The following RPL6 variants were observed in gnomAD, a reference collection of about 807,000 sequenced individuals.
RPL6 encodes large ribosomal subunit protein eL6.
A neutral mutation model predicts 32.1 loss-of-function variants in RPL6; 1 was observed. The observed-to-expected ratio is 0.03, with a 90% CI of 0.01 to 0.15. The LOEUF (loss-of-function observed/expected upper bound fraction) is 0.15. RPL6 is among the 10% of genes least tolerant of loss of function. The pLI, the probability that RPL6 is intolerant of heterozygous loss-of-function variation, is 1.00. For missense variants in RPL6, 275 were observed against 354.6 expected (o/e 0.78, Z 1.80); for synonymous variants, 126 against 131.6 (o/e 0.96, Z 0.29).
At position 112,405,355 on chromosome 12, in the gene RPL6, G is replaced by A. The variant is rs1335675016; in HGVS notation, c.736C>T (p.Arg246Cys). Residue 246 changes from arginine to cysteine, a missense_variant, in exon 7 of 7, where the codon CGC becomes TGC. By Grantham distance (180) the Arg-to-Cys change is radical. Coordinates refer to ENST00000202773, the MANE Select transcript of RPL6 (RefSeq NM_000970.6). Reference sequence around the variant, plus strand: ...TCCACAGCTTTCTGATCAATCTTGCGCTGCTCCGTAATCTCATATTTCTAA... The same window carrying A: ...TCCACAGCTTTCTGATCAATCTTGCACTGCTCCGTAATCTCATATTTCTAA... ...EKEKYEITEQ[R>C]KIDQKAVDSQ... The A allele has an allele frequency of 3.1e-6, 5 of 1,605,722 alleles. No homozygotes were observed. Among genetic ancestry groups the A allele is most frequent in the African/African-American group, 1.3e-5 (1 of 74,228 alleles).
At chr12:112,410,008 GA>G (rs367708899), upstream of RPL6, among the ~76,000 whole-genome samples, 14,938 of 74,626 alleles carry the variant, frequency 0.2, 805 homozygotes, top group East Asian at 0.36. Context: ...TCTCAAAAAA[GA>G]AAAAAAAAAA....
In RPL6 at chr12:112,405,920, T is replaced by C. The variant is rs777722248; in HGVS notation, c.647A>G (p.Tyr216Cys). Reference protein sequence around the residue: ...VKIPKHLTDAYFKKKKLRKPR... With the variant: ...VKIPKHLTDACFKKKKLRKPR... ...CTTCCGCAGCTTCTTCTTCTTGAAG[T>C]AAGCATCAGTAAGATGTTTTGGGAT... The change falls in exon 6 of 7, where the codon TAC becomes TGC. Residue 216 changes from tyrosine (Y) to cysteine (C), a missense_variant. Physicochemically the swap from Tyr to Cys is radical, Grantham distance 194 (BLOSUM62 -2). Transcript: ENST00000202773. 1.2e-5 allele frequency: 19 copies of C among 1,613,928 alleles called. No individual in the cohort carries two copies. The highest frequency in any genetic ancestry group is 2.7e-5 in the African/African-American group (2 of 74,928).
chr12:112,407,502 T>A (rs1359024773), intron 3 of RPL6: 4 of 152,764 alleles, frequency 2.6e-5, no homozygotes, highest in African/African-American at 9.6e-5. Context: ...GAAAACGAGT[T>A]CACAAAACAA....
chr12:112,408,620 C>G lies in RPL6; in HGVS notation c.37G>C (p.Glu13Gln), dbSNP rs148436123. The stretch of plus-strand genomic sequence containing the variant: ...ACCTTCTTGGCTTCGGGTTTCTTCT[C>G]TTTAGTATCTGGCTTCTCAACTTTT... ...GEKVEKPDTK[E>Q]KKPEAKKVDA... The change falls in exon 2 of 7, where the codon GAG becomes CAG. Residue 13 changes from glutamate (E) to glutamine (Q), a missense_variant. Glu to Gln is a conservative substitution (Grantham distance 29). Coordinates refer to ENST00000202773, the MANE Select transcript of RPL6 (RefSeq NM_000970.6). 1.3e-6 allele frequency: 2 copies of G among 1,572,232 alleles called. No homozygotes were observed. Among genetic ancestry groups the G allele is most frequent in the African/African-American group, 1.4e-5 (1 of 73,000 alleles).
At chr12:112,411,203 G>A (rs2037337513), upstream of RPL6, 1 of 152,170 alleles carries the variant, frequency 6.6e-6, no homozygotes, top group Non-Finnish European at 1.5e-5. Flanking sequence ...TTAAAAATAA[G>A]AATATTTATT....
chr12:112,405,828 C>CA, intron 6 of RPL6, 25 bp downstream of exon 6: 1 of 1,593,622 alleles, frequency 6.3e-7, no homozygotes, highest in Non-Finnish European at 8.6e-7. Flanking sequence ...AGTGCTAACA[C>CA]AGGAGATGAC....
chr12:112,416,352 G>C (rs1202282160), intron 1 of RPL6, among the ~76,000 whole-genome samples: 1 of 151,954 alleles, frequency 6.6e-6, no homozygotes, highest in African/African-American at 2.4e-5. Context: ...TGTTAGCCAG[G>C]ATGGTCTCGA....
At chr12:112,409,629 T>A (rs950297704), upstream of RPL6, 5 of 397,478 alleles carry the variant, frequency 1.3e-5, no homozygotes, top group African/African-American at 1.0e-4. Context: ...GCTTCCGGTC[T>A]ATAAGCAATC....
chr12:112,415,795 G>A (rs1382969826), intron 1 of RPL6, among the ~76,000 whole-genome samples: 2 of 151,112 alleles, frequency 1.3e-5, no homozygotes, highest in Non-Finnish European at 2.9e-5. Context: ...AACTCTTTGG[G>A]CTCAAGAAAT....
At position 112,406,760 on chromosome 12, in the gene RPL6, C is replaced by A; in HGVS notation, c.467G>T (p.Arg156Leu). The change falls in exon 4 of 7, where the codon CGC (arginine) becomes CTC (leucine). Residue 156 changes from arginine (R) to leucine (L), a missense_variant. Coordinates refer to ENST00000202773, the MANE Select transcript of RPL6 (RefSeq NM_000970.6). ...AGGTACTCTCACCTTGCCCCTGTGG[C>A]GTCCAGTGAGGATGATCAGAATGGT... ...PGTILIILTGRHRGKRVVFLK... is the reference protein window; with the variant it reads ...PGTILIILTGLHRGKRVVFLK... The A allele has an allele frequency of 6.2e-7, 1 of 1,614,144 alleles. No individual in the cohort carries two copies. The highest frequency in any genetic ancestry group is 8.5e-7 in the Non-Finnish European group (1 of 1,180,002).
upstream of RPL6, chr12:112,409,718 A>G (rs1430757067): frequency 5.3e-6 from 2 of 376,492 alleles, no homozygotes; most frequent in East Asian, 7.6e-5. Context: ...AGAAAAAAGT[A>G]GTAAATCCTA....
At chr12:112,418,782 C>T (rs1400390804) in exon 1 of RPL6, 1 of 434,986 alleles carries the variant, frequency 2.3e-6, no homozygotes, top group South Asian at 2.8e-5. Flanking sequence ...CTGTGCGTGG[C>T]GCCTCCGCGG....
chr12:112,414,356 C>T (rs2037377004), upstream of RPL6, among the ~76,000 whole-genome samples: 1 of 152,196 alleles, frequency 6.6e-6, no homozygotes, highest in Admixed American at 6.5e-5. Flanking sequence ...ATTATTCATT[C>T]TAGCTGCAGA....
At chr12:112,414,621 CAG>C (rs1270610277), upstream of RPL6, among the ~76,000 whole-genome samples, 6 of 152,056 alleles carry the variant, frequency 3.9e-5, no homozygotes, top group African/African-American at 1.4e-4. Flanking sequence ...ACTTAATTGG[CAG>C]CCAGGCGCCG....
chr12:112,410,333 G>A, upstream of RPL6: 1 of 295,110 alleles, frequency 3.4e-6, no homozygotes, highest in South Asian at 3.8e-5. Flanking sequence ...GGATTTAGCG[G>A]CTGACTACTT....
At position 112,406,758 on chromosome 12, in the gene RPL6, G is replaced by T. The variant is rs577388479; in HGVS notation, c.469C>A (p.His157Asn). 5.6e-6 allele frequency: 9 copies of T among 1,614,170 alleles called. No homozygotes were observed. The highest frequency in any genetic ancestry group is 1.7e-6 in the Non-Finnish European group (2 of 1,180,028). ...GTILIILTGR[H>N]RGKRVVFLKQ... The stretch of plus-strand genomic sequence containing the variant: ...ACAGGTACTCTCACCTTGCCCCTGT[G>T]GCGTCCAGTGAGGATGATCAGAATG... Residue 157 changes from histidine to asparagine, a missense_variant, in exon 4 of 7, where the codon CAC (histidine) becomes AAC (asparagine). Coordinates refer to ENST00000202773, the MANE Select transcript of RPL6 (RefSeq NM_000970.6).
rs1464589171 is a variant in RPL6 at position 112,409,595 on chromosome 12, A to G, written c.-9T>C. On this transcript the variant is annotated 5_prime_UTR_variant, in exon 1 of 7. Coordinates refer to ENST00000202773, the MANE Select transcript of RPL6 (RefSeq NM_000970.6). ...AGGCCCGCGATTCTTACCTTGCAAGATGGGAAAGAGAATTAAGGTCCCGGC... is the reference window on the plus strand; with the variant it reads ...AGGCCCGCGATTCTTACCTTGCAAGGTGGGAAAGAGAATTAAGGTCCCGGC... The G allele has an allele frequency of 2.5e-6, 1 of 398,318 alleles. No homozygotes were observed. Among genetic ancestry groups the G allele is most frequent in the Non-Finnish European group, 4.4e-6 (1 of 225,988 alleles). The allele number at this position is 398,318 out of a possible 1,614,324, so 24.7% of individuals were successfully genotyped here.
upstream of RPL6, among the ~76,000 whole-genome samples, chr12:112,415,122 G>T (rs1363323041): frequency 6.6e-6 from 1 of 152,166 alleles, no homozygotes; most frequent in Non-Finnish European, 1.5e-5. Flanking sequence ...CAGTCAGGAA[G>T]AACCCTCTGG....
upstream of RPL6, among the ~76,000 whole-genome samples, chr12:112,410,134 A>G (rs1418184343): frequency 1.3e-5 from 2 of 152,098 alleles, no homozygotes; most frequent in Non-Finnish European, 2.9e-5. Context: ...TCTCAAAACA[A>G]TAACAACAAC....
Sources: gnomAD v4.1 joint callset for allele counts (sites outside exome capture counted in the v4.1 genomes callset) on GRCh38, gnomAD v4.1.1 for gene constraint, MANE v1.5 for transcripts, NCBI Gene and HGNC (gene_info 2026-07-23, HGNC 2026-07-21) for gene names.